NRCAM: variants seen among roughly 807,000 people sequenced by gnomAD.
The protein encoded by NRCAM is neuronal cell adhesion molecule.
Under a neutral mutation model 156.5 loss-of-function variants are expected in NRCAM, and 83 were observed. The observed-to-expected ratio is 0.53, with a 90% CI of 0.44 to 0.64. The LOEUF is 0.64. Ranked by LOEUF, NRCAM falls within the 30% of genes least tolerant of loss-of-function variation. The pLI is 0.00. For missense variants in NRCAM, 1,417 were observed against 1,597.3 expected (o/e 0.89, Z 1.92); for synonymous variants, 538 against 563.9 (o/e 0.95, Z 0.65).
chr7:108,348,732 G>A (rs1270293802), intron 2 of NRCAM, among the ~76,000 whole-genome samples: 2 of 139,298 alleles, frequency 1.4e-5, no homozygotes, highest in Admixed American at 7.5e-5. Flanking sequence ...TGGCCAATAT[G>A]GTGAAACTTT....
At chr7:108,217,299 C>T (rs982856935) in intron 11 of NRCAM, among the ~76,000 whole-genome samples, 6 of 152,214 alleles carry the variant, frequency 3.9e-5, no homozygotes, top group Non-Finnish European at 8.8e-5. Context: ...GATGCTTCAT[C>T]CCAGAAGGGC....
chr7:108,194,594 A>G (rs2153462963), intron 15 of NRCAM, among the ~76,000 whole-genome samples, 166 bp from the exon 16 acceptor site: 1 of 152,364 alleles, frequency 6.6e-6, no homozygotes, highest in African/African-American at 2.4e-5. Flanking sequence ...CAGGGAAGAA[A>G]AAAAGGCATG....
intron 5 of NRCAM, 117 bp from the exon 6 acceptor site, chr7:108,234,805 A>C: frequency 1.2e-6 from 1 of 800,898 alleles, no homozygotes. Context: ...AAGTATTTTT[A>C]GTAATTTCTA....
chr7:108,244,628 A>C (rs2095783247), intron 3 of NRCAM, among the ~76,000 whole-genome samples: 1 of 152,192 alleles, frequency 6.6e-6, no homozygotes, highest in Non-Finnish European at 1.5e-5. Flanking sequence ...AATGCACCTC[A>C]GAAAAAAGTA....
intron 5 of NRCAM, among the ~76,000 whole-genome samples, chr7:108,236,395 A>ATCCTTGTCTT (rs1405634024): frequency 6.6e-6 from 1 of 152,010 alleles, no homozygotes; most frequent in Non-Finnish European, 1.5e-5. Context: ...GGAATATCCC[A>ATCCTTGTCTT]TCCCCCTCCT....
At chr7:108,325,042 T>C (rs2099052830) in intron 2 of NRCAM, among the ~76,000 whole-genome samples, 2 of 152,134 alleles carry the variant, frequency 1.3e-5, no homozygotes, top group African/African-American at 2.4e-5. Flanking sequence ...TCAAGCATTA[T>C]TCCTCGTTCT....
At chr7:108,321,676 C>T (rs2099002908) in intron 2 of NRCAM, among the ~76,000 whole-genome samples, 1 of 152,164 alleles carries the variant, frequency 6.6e-6, no homozygotes, top group Non-Finnish European at 1.5e-5. Flanking sequence ...ACGACCATCA[C>T]TTTTTGAGAC....
intron 1 of NRCAM, among the ~76,000 whole-genome samples, chr7:108,417,571 G>A (rs1421751643): frequency 2.0e-5 from 3 of 152,148 alleles, no homozygotes; most frequent in Admixed American, 2.0e-4. Flanking sequence ...CCTAGCGAAA[G>A]AAAACAAATA....
At chr7:108,230,959 G>A in intron 8 of NRCAM, 72 bp downstream of exon 8, 3 of 1,174,738 alleles carry the variant, frequency 2.6e-6, no homozygotes, top group Non-Finnish European at 3.7e-6. Flanking sequence ...ATCATAAGAG[G>A]TAATAATGTA....
At chr7:108,377,266 C>T (rs925460174) in intron 2 of NRCAM, among the ~76,000 whole-genome samples, 24 of 152,152 alleles carry the variant, frequency 1.6e-4, no homozygotes, top group Admixed American at 6.6e-5. Flanking sequence ...CAAACACACA[C>T]ACAAAAACTC....
At position 108,453,634 on chromosome 7, in the gene NRCAM, T is replaced by C. The variant is rs561964826; in HGVS notation, c.-332+2609A>G. Among the ~76,000 whole-genome samples the C allele has an allele frequency of 1.1e-3, 167 of 152,292 alleles. 1 individual carries two copies. The highest frequency in any genetic ancestry group is 2.8e-4 in the Non-Finnish European group (19 of 68,020). On this transcript the variant is annotated intron_variant, in intron 1 of 32. Transcript: ENST00000379028. ...CTGAGTCCTCTAACAGCTCTAAAAT[T>C]CCTGGATTATGTAAAATGTTTAGCA...
chr7:108,410,935 G>A (rs376757238), intron 1 of NRCAM, among the ~76,000 whole-genome samples: 3 of 152,164 alleles, frequency 2.0e-5, no homozygotes, highest in East Asian at 3.9e-4. Context: ...GTATCATCCC[G>A]ATAAAACTTG....
At chr7:108,261,925 C>T (rs2153998307) in intron 3 of NRCAM, among the ~76,000 whole-genome samples, 1 of 152,280 alleles carries the variant, frequency 6.6e-6, no homozygotes, top group East Asian at 1.9e-4. Flanking sequence ...CACTCCATTT[C>T]ATCCCCTGGC....
chr7:108,451,439 A>C (rs1850279240), intron 1 of NRCAM, among the ~76,000 whole-genome samples: 1 of 152,178 alleles, frequency 6.6e-6, no homozygotes, highest in Non-Finnish European at 1.5e-5. Flanking sequence ...CATATGATCT[A>C]GCAGTCTCAT....
intron 3 of NRCAM, among the ~76,000 whole-genome samples, chr7:108,290,954 T>C (rs1476991954): frequency 6.6e-6 from 1 of 152,176 alleles, no homozygotes; most frequent in Non-Finnish European, 1.5e-5. Flanking sequence ...TAAACAGCAT[T>C]ACAAAGCTGG....
At chr7:108,355,436 A>C (rs1011081849) in intron 2 of NRCAM, among the ~76,000 whole-genome samples, 3 of 152,220 alleles carry the variant, frequency 2.0e-5, no homozygotes, top group Non-Finnish European at 4.4e-5. Flanking sequence ...TACAAAGTAC[A>C]AGGGGATGAA....
chr7:108,202,964 G>A lies in NRCAM; in HGVS notation c.1207+4564C>T, dbSNP rs529902624. Among the ~76,000 whole-genome samples the A allele has an allele frequency of 3.9e-5, 6 of 152,292 alleles. No individual in the cohort carries two copies. In the South Asian group the frequency reaches 1.2e-3, roughly 32 times the overall value. Reference sequence around the variant, plus strand: ...TCTGCAAGTGTTAGACTCTCCTGCAGAGATAGGAATCACAGTGGCCACAGC... The same window carrying A: ...TCTGCAAGTGTTAGACTCTCCTGCAAAGATAGGAATCACAGTGGCCACAGC... On this transcript the variant is annotated intron_variant, in intron 13 of 32. Transcript: ENST00000379028.
At position 108,159,543 on chromosome 7, in the gene NRCAM, T is replaced by TA. The variant is rs1326877616; in HGVS notation, c.3599-3dup. ...CATGGGCATCTTCCTTTTCTTTAAC[T>TA]AAAAAATGCCAAAATGGTATTATTA... On this transcript the variant is annotated splice_polypyrimidine_tract_variant and splice_region_variant and intron_variant, in intron 31 of 32. Coordinates refer to ENST00000379028, the MANE Select transcript of NRCAM (RefSeq NM_001037132.4). The TA allele has an allele frequency of 6.2e-7, 1 of 1,611,292 alleles. No individual in the cohort carries two copies.
chr7:108,154,511 T>A (rs1411222891), intron 32 of NRCAM, among the ~76,000 whole-genome samples: 1 of 151,858 alleles, frequency 6.6e-6, no homozygotes, highest in Non-Finnish European at 1.5e-5. Context: ...CCCCAAAACA[T>A]CCATTCACGC....
Sources: gnomAD v4.1 joint callset for allele counts (sites outside exome capture counted in the v4.1 genomes callset) on GRCh38, gnomAD v4.1.1 for gene constraint, MANE v1.5 for transcripts, NCBI Gene and HGNC (gene_info 2026-07-23, HGNC 2026-07-21) for gene names.